The following OSBPL1A variants were observed in gnomAD, a reference collection of about 807,000 sequenced individuals.
The protein encoded by OSBPL1A is oxysterol-binding protein-related protein 1.
Under a neutral mutation model 137.1 loss-of-function variants are expected in OSBPL1A, and 80 were observed. The observed-to-expected ratio is 0.58, with a 90% CI of 0.49 to 0.70. The LOEUF (loss-of-function observed/expected upper bound fraction) is 0.70. OSBPL1A is among the 30% of genes least tolerant of loss of function. The probability of loss-of-function intolerance (pLI) is 0.00; values close to 1 mark genes in which losing one functional copy is unlikely to be tolerated. For missense variants in OSBPL1A, 970 were observed against 1,129.4 expected (o/e 0.86, Z 2.02); for synonymous variants, 365 against 389.7 (o/e 0.94, Z 0.75).
At chr18:24,390,317 T>C (rs1238347748) in intron 1 of OSBPL1A, among the ~76,000 whole-genome samples, 1 of 152,168 alleles carries the variant, frequency 6.6e-6, no homozygotes, top group East Asian at 1.9e-4. Flanking sequence ...ATTCCCATGT[T>C]CATAGGAGAA....
At chr18:24,221,482 A>C (rs1358736730) in intron 17 of OSBPL1A, among the ~76,000 whole-genome samples, 1 of 152,236 alleles carries the variant, frequency 6.6e-6, no homozygotes, top group East Asian at 1.9e-4. Flanking sequence ...ATCAGACAGA[A>C]AAAAAGTCCC....
At chr18:24,288,603 A>C (rs1485426977) in intron 14 of OSBPL1A, among the ~76,000 whole-genome samples, 2 of 152,148 alleles carry the variant, frequency 1.3e-5, no homozygotes, top group Non-Finnish European at 2.9e-5. Flanking sequence ...CCCTGTCTCT[A>C]CTAAAAATAC....
At chr18:24,170,544 G>T in intron 23 of OSBPL1A, 91 bp from the exon 24 acceptor site, 1 of 1,471,242 alleles carries the variant, frequency 6.8e-7, no homozygotes, top group South Asian at 1.1e-5. Flanking sequence ...TCTCCCATCC[G>T]AGTACTAACC....
chr18:24,206,128 T>C (rs181960176), intron 17 of OSBPL1A, among the ~76,000 whole-genome samples: 34 of 152,174 alleles, frequency 2.2e-4, no homozygotes, highest in African/African-American at 8.0e-4. Flanking sequence ...TGACCTCAGA[T>C]TGTCCTCGCA....
intron 15 of OSBPL1A, among the ~76,000 whole-genome samples, chr18:24,266,053 T>C (rs1406557587): frequency 6.6e-6 from 1 of 152,146 alleles, no homozygotes; most frequent in Non-Finnish European, 1.5e-5. Context: ...CCACCTGTGA[T>C]GTAGAAAGAA....
chr18:24,241,255 C>CA (rs1456341979), intron 15 of OSBPL1A, among the ~76,000 whole-genome samples: 1 of 152,152 alleles, frequency 6.6e-6, no homozygotes, highest in Non-Finnish European at 1.5e-5. Flanking sequence ...GCAATGGCAA[C>CA]AAAAGCCAAA....
chr18:24,195,416 T>C (rs2087001065), intron 18 of OSBPL1A, among the ~76,000 whole-genome samples: 1 of 152,232 alleles, frequency 6.6e-6, no homozygotes, highest in African/African-American at 2.4e-5. Context: ...GAGGTGACTG[T>C]ACTTCCCAGC....
intron 4 of OSBPL1A, among the ~76,000 whole-genome samples, chr18:24,342,677 A>C (rs1475643181): frequency 2.6e-5 from 4 of 152,200 alleles, no homozygotes; most frequent in Non-Finnish European, 5.9e-5. Context: ...CAGGCAAAAA[A>C]TACATATACT....
chr18:24,363,220 T>A (rs1423307678), intron 4 of OSBPL1A, among the ~76,000 whole-genome samples: 1 of 152,174 alleles, frequency 6.6e-6, no homozygotes, highest in Non-Finnish European at 1.5e-5. Context: ...CTCACAGTTC[T>A]GTATTTGAGA....
intron 17 of OSBPL1A, among the ~76,000 whole-genome samples, chr18:24,198,902 G>C (rs1437958132): frequency 3.3e-5 from 5 of 149,658 alleles, no homozygotes; most frequent in Non-Finnish European, 7.4e-5. Context: ...CTGTTACCCA[G>C]GCTGGAGTGC....
At chr18:24,314,950 C>A (rs950002516) in intron 11 of OSBPL1A, among the ~76,000 whole-genome samples, 1 of 152,062 alleles carries the variant, frequency 6.6e-6, no homozygotes, top group Non-Finnish European at 1.5e-5. Context: ...AATGGAACAC[C>A]AGGCATAAAT....
At chr18:24,386,728 G>C (rs1002678315) in intron 1 of OSBPL1A, among the ~76,000 whole-genome samples, 40 of 152,302 alleles carry the variant, frequency 2.6e-4, no homozygotes, top group African/African-American at 8.9e-4. Flanking sequence ...GGGAGGCCAA[G>C]CCAGGTGGAT....
chr18:24,197,451 CCT>C (rs1288783138), intron 17 of OSBPL1A, among the ~76,000 whole-genome samples: 3 of 152,290 alleles, frequency 2.0e-5, no homozygotes, highest in Non-Finnish European at 4.4e-5. Flanking sequence ...TTCTGAAGAA[CCT>C]CTAAATTAAA....
chr18:24,272,310 A>G, intron 15 of OSBPL1A: 1 of 976,984 alleles, frequency 1.0e-6, no homozygotes. Flanking sequence ...AAGCAAAGGA[A>G]TCTTCTCTCC....
intron 16 of OSBPL1A, among the ~76,000 whole-genome samples, chr18:24,233,245 T>G (rs1329246807): frequency 6.6e-6 from 1 of 152,238 alleles, no homozygotes; most frequent in East Asian, 1.9e-4. Context: ...TAAAGTCATG[T>G]ACCTTTAGTT....
At chr18:24,214,376 G>A (rs142460022) in intron 17 of OSBPL1A, among the ~76,000 whole-genome samples, 2 of 152,272 alleles carry the variant, frequency 1.3e-5, no homozygotes, top group South Asian at 4.1e-4. Context: ...AAGGAGCAGA[G>A]AGGCTTCAAG....
At chr18:24,235,312 T>C (rs1055573094) in intron 16 of OSBPL1A, among the ~76,000 whole-genome samples, 11 of 152,228 alleles carry the variant, frequency 7.2e-5, no homozygotes, top group Non-Finnish European at 1.0e-4. Flanking sequence ...CTGTTTTAAG[T>C]ACATTACAAA....
intron 1 of OSBPL1A, among the ~76,000 whole-genome samples, chr18:24,382,644 G>A (rs1330391398): frequency 1.3e-5 from 2 of 151,810 alleles, no homozygotes; most frequent in Non-Finnish European, 2.9e-5. Context: ...TTGGGAGGCC[G>A]AGGTGGGTGG....
chr18:24,330,864 G>A (rs542263982), intron 7 of OSBPL1A, among the ~76,000 whole-genome samples: 42 of 151,986 alleles, frequency 2.8e-4, no homozygotes, highest in Admixed American at 2.5e-3. Flanking sequence ...GCATGATCTC[G>A]CCTCACTGCA....
Sources: allele counts gnomAD v4.1 joint callset (sites outside exome capture counted in the v4.1 genomes callset), GRCh38; gene constraint gnomAD v4.1.1; transcripts MANE v1.5; gene names NCBI Gene and HGNC (gene_info 2026-07-23, HGNC 2026-07-21).